The following PAM variants were observed in gnomAD, a reference collection of about 807,000 sequenced individuals.
The protein encoded by PAM is peptidyl-glycine alpha-amidating monooxygenase.
A neutral mutation model predicts 122.1 loss-of-function variants in PAM; 72 were observed. The ratio of observed to expected loss-of-function variants is 0.59; its 90% confidence interval spans 0.49 to 0.72. The LOEUF (loss-of-function observed/expected upper bound fraction) is 0.72, where lower values mean the gene tolerates loss of function less well. Ranked by LOEUF, PAM falls within the 30% of genes least tolerant of loss-of-function variation. The pLI is 0.00. For synonymous variants in PAM, 389 were observed against 404.4 expected (o/e 0.96, Z 0.46); for missense variants, 1,106 against 1,183.7 (o/e 0.93, Z 0.96).
intron 3 of PAM, among the ~76,000 whole-genome samples, chr5:102,886,973 C>A (rs556645600): frequency 3.2e-4 from 48 of 152,164 alleles, no homozygotes; most frequent in African/African-American, 1.1e-3. Context: ...TGGATGATGA[C>A]CCATATAGTA....
At chr5:102,925,144 T>TAC in intron 6 of PAM, 102 bp downstream of exon 6, 1 of 718,422 alleles carries the variant, frequency 1.4e-6, no homozygotes, top group African/African-American at 1.7e-5. Context: ...GACAGTGTTC[T>TAC]GTATTGCTGC....
intron 1 of PAM, among the ~76,000 whole-genome samples, chr5:102,811,315 C>T (rs980087060): frequency 6.6e-6 from 1 of 152,198 alleles, no homozygotes; most frequent in African/African-American, 2.4e-5. Flanking sequence ...TCAGGAGGCT[C>T]TAGGGGAGAA....
At chr5:102,859,110 A>G (rs1481833288) in intron 1 of PAM, among the ~76,000 whole-genome samples, 1 of 152,216 alleles carries the variant, frequency 6.6e-6, no homozygotes, top group Non-Finnish European at 1.5e-5. Context: ...TTATGCATTT[A>G]CAATACTATT....
chr5:102,881,629 C>A (rs1352091976), intron 3 of PAM, among the ~76,000 whole-genome samples: 2 of 150,890 alleles, frequency 1.3e-5, no homozygotes, highest in Non-Finnish European at 3.0e-5. Flanking sequence ...AGAAATATTG[C>A]CATTATATAT....
At chr5:102,791,231 T>C (rs78341434) in intron 1 of PAM, among the ~76,000 whole-genome samples, 3,881 of 152,178 alleles carry the variant, frequency 0.026, 103 homozygotes, top group East Asian at 0.14. Context: ...AAAATAAATT[T>C]CTAGAAGTAA....
At chr5:103,010,012 T>A in intron 21 of PAM, 146 bp downstream of exon 21, 1 of 325,112 alleles carries the variant, frequency 3.1e-6, no homozygotes, top group Non-Finnish European at 5.6e-6. Context: ...GGGAGTGTTC[T>A]ATTTTATTTT....
At chr5:102,983,155 AC>A (rs1161385652) in intron 15 of PAM, among the ~76,000 whole-genome samples, 1 of 152,018 alleles carries the variant, frequency 6.6e-6, no homozygotes, top group East Asian at 1.9e-4. Flanking sequence ...TTTTAAAATA[AC>A]CCGGTAAGGC....
chr5:102,873,701 A>G (rs1415672854), intron 3 of PAM: 2 of 152,244 alleles, frequency 1.3e-5, no homozygotes, highest in African/African-American at 4.8e-5. Flanking sequence ...ACTTGATGGG[A>G]AACGGTGCAG....
chr5:102,951,164 G>C (rs566369663), intron 12 of PAM, among the ~76,000 whole-genome samples: 1 of 151,978 alleles, frequency 6.6e-6, no homozygotes, highest in East Asian at 1.9e-4. Context: ...TTTTTGCCCT[G>C]TGTTCACGGG....
chr5:102,931,638 A>G (rs1489216593), intron 7 of PAM, among the ~76,000 whole-genome samples: 1 of 152,194 alleles, frequency 6.6e-6, no homozygotes, highest in African/African-American at 2.4e-5. Context: ...GAACTCACCT[A>G]TTGAAGTTGG....
intron 1 of PAM, among the ~76,000 whole-genome samples, chr5:102,827,180 A>G (rs1191614602): frequency 6.6e-6 from 1 of 152,232 alleles, no homozygotes; most frequent in African/African-American, 2.4e-5. Flanking sequence ...TGCATTGAGC[A>G]TTCTTAATCC....
At chr5:102,801,841 C>T (rs1272893323) in intron 1 of PAM, among the ~76,000 whole-genome samples, 3 of 139,510 alleles carry the variant, frequency 2.2e-5, no homozygotes, top group East Asian at 2.2e-4. Context: ...TGCAGTGGCG[C>T]GATCTCGGCT....
In PAM at chr5:103,006,985, G is replaced by A; in HGVS notation, c.1988G>A (p.Gly663Glu). ...NSRIVQFSPS[G>E]KFITQWGEES... ...AGGATTGTGCAGTTTTCACCAAGTGGAAAGTTCATCACACAGTGGGGAGAA... is the reference window on the plus strand; with the variant it reads ...AGGATTGTGCAGTTTTCACCAAGTGAAAAGTTCATCACACAGTGGGGAGAA... The change falls in exon 19 of 26, where the codon GGA (glycine) becomes GAA (glutamate). Residue 663 changes from glycine (G) to glutamate (E), a missense_variant. Physicochemically the swap from Gly to Glu is moderately conservative, Grantham distance 98. Transcript: ENST00000438793. 1 of 1,613,478 alleles carries A rather than the reference G, an allele frequency of 6.2e-7. No individual in the cohort carries two copies. Among genetic ancestry groups the A allele is most frequent in the Non-Finnish European group, 8.5e-7 (1 of 1,179,584 alleles).
intron 3 of PAM, among the ~76,000 whole-genome samples, chr5:102,868,006 A>G (rs1366227601): frequency 3.3e-5 from 5 of 152,138 alleles, no homozygotes; most frequent in Middle Eastern, 3.4e-3. Flanking sequence ...GGTTGCTGCT[A>G]GGGCTTTCCC....
At chr5:102,776,854 G>A (rs941021599) in intron 1 of PAM, among the ~76,000 whole-genome samples, 1 of 151,888 alleles carries the variant, frequency 6.6e-6, no homozygotes, top group Non-Finnish European at 1.5e-5. Flanking sequence ...TTTTCCTTTT[G>A]TATGTCACAC....
chr5:102,807,246 A>C (rs550378881), intron 1 of PAM, among the ~76,000 whole-genome samples: 17 of 152,204 alleles, frequency 1.1e-4, no homozygotes, highest in Non-Finnish European at 2.2e-4. Flanking sequence ...AAAGTGTTGC[A>C]TCTGATCAAA....
chr5:102,962,374 C>T (rs1477146572), intron 14 of PAM, among the ~76,000 whole-genome samples: 1 of 151,754 alleles, frequency 6.6e-6, no homozygotes, highest in Non-Finnish European at 1.5e-5. Context: ...CCAGTAATAG[C>T]AGCCTAAATA....
chr5:102,884,534 A>G (rs1403153565), intron 3 of PAM, among the ~76,000 whole-genome samples: 2 of 151,954 alleles, frequency 1.3e-5, no homozygotes, highest in Non-Finnish European at 2.9e-5. Flanking sequence ...GAAGGCAACC[A>G]TGCATATCTT....
chr5:102,817,667 C>G (rs764319364), intron 1 of PAM, among the ~76,000 whole-genome samples: 1 of 152,056 alleles, frequency 6.6e-6, no homozygotes, highest in Non-Finnish European at 1.5e-5. Context: ...AGCATTTTAA[C>G]TTGTCTCCTG....
Sources: gnomAD v4.1 joint callset for allele counts (sites outside exome capture counted in the v4.1 genomes callset) on GRCh38, gnomAD v4.1.1 for gene constraint, MANE v1.5 for transcripts, NCBI Gene and HGNC (gene_info 2026-07-23, HGNC 2026-07-21) for gene names.